KALRN: variants seen among roughly 807,000 people sequenced by gnomAD.
KALRN encodes the protein kalirin RhoGEF kinase, also known as kalirin.
In KALRN, 70 loss-of-function variants were observed where a neutral mutation model predicts 353.7. That is an observed-to-expected ratio of 0.20 (90% CI 0.16 to 0.24). The LOEUF (loss-of-function observed/expected upper bound fraction) is 0.24. Ranked by LOEUF, KALRN falls within the 10% of genes least tolerant of loss-of-function variation. KALRN has a pLI of 1.00. For missense variants in KALRN, 2,791 were observed against 3,756.7 expected, an observed-to-expected ratio of 0.74 and a Z score of 6.72; for synonymous variants, 1,391 against 1,434.8, an observed-to-expected ratio of 0.97 and a Z score of 0.69.
At position 124,720,364 on chromosome 3, in the gene KALRN, T is replaced by C. The variant is rs762172653; in HGVS notation, c.*894T>C. ...TTTTGTGTCTACACCAGGTTTGAAA[T>C]AAGTAAACAAATACAAGAGGTTCAT... is the stretch of plus-strand genomic sequence containing the variant. On this transcript the variant is annotated 3_prime_UTR_variant, in exon 60 of 60. Coordinates refer to ENST00000682506, the MANE Select transcript of KALRN (RefSeq NM_001388419.1). 1 of 152,586 alleles carries C rather than the reference T, an allele frequency of 6.6e-6. No homozygotes were observed. The highest frequency in any genetic ancestry group is 1.5e-5 in the Non-Finnish European group (1 of 68,014). 9.5% of individuals were successfully genotyped at this position (152,586 alleles called of 1,614,324 possible).
chr3:124,722,718 AAAG>A lies in KALRN; in HGVS notation c.*3253_*3255del, dbSNP rs1171592879. 6.6e-6 allele frequency: 1 copy of A among 152,220 alleles called. No homozygotes were observed. The highest frequency in any genetic ancestry group is 2.4e-5 in the African/African-American group (1 of 41,466). 9.4% of individuals were successfully genotyped at this position (152,220 alleles called of 1,614,324 possible). A position where few individuals can be genotyped will look rare whatever the true frequency, so the allele number is the denominator to read the frequency against. On this transcript the variant is annotated 3_prime_UTR_variant, in exon 60 of 60. Transcript: ENST00000682506. ...GCGGAGAGATTTATTACTTGGTAGT[AAAG>A]AAGAGAGGAGAGAAGAGAAAATGGT...
intron 33 of KALRN, among the ~76,000 whole-genome samples, chr3:124,543,189 C>G (rs953226424): frequency 1.3e-5 from 2 of 152,078 alleles, no homozygotes; most frequent in East Asian, 3.8e-4. Flanking sequence ...TCAACACTTC[C>G]GTCATATTCT....
chr3:124,447,760 T>C (rs944559966), intron 21 of KALRN, among the ~76,000 whole-genome samples: 3 of 152,188 alleles, frequency 2.0e-5, no homozygotes, highest in African/African-American at 7.2e-5. Context: ...TTAGCCTCAT[T>C]CCTGAGCTGA....
At chr3:124,694,537 C>T in intron 53 of KALRN, 34 bp downstream of exon 53, 2 of 1,598,226 alleles carry the variant, frequency 1.3e-6, no homozygotes, top group East Asian at 2.2e-5. Flanking sequence ...GCAACAGCAG[C>T]CCCTTGCTTG....
intron 34 of KALRN, chr3:124,584,628 G>A: frequency 7.1e-7 from 1 of 1,406,944 alleles, no homozygotes. Flanking sequence ...CTCCCTCCCC[G>A]CCTGGCCCCT....
chr3:124,650,776 A>T, intron 37 of KALRN, 32 bp from the exon 38 acceptor site: 1 of 1,555,042 alleles, frequency 6.4e-7, no homozygotes, highest in Non-Finnish European at 8.6e-7. Context: ...TTCAAAGTAC[A>T]CTTCTCTAAG....
intron 33 of KALRN, among the ~76,000 whole-genome samples, chr3:124,555,794 G>T (rs2071173394): frequency 6.6e-6 from 1 of 152,140 alleles, no homozygotes; most frequent in Admixed American, 6.5e-5. Context: ...GCCAGGCATT[G>T]CTCTAAACTC....
intron 1 of KALRN, among the ~76,000 whole-genome samples, chr3:124,122,718 A>G (rs141214414): frequency 8.5e-4 from 130 of 152,148 alleles, no homozygotes; most frequent in African/African-American, 3.1e-3. Flanking sequence ...TGCTCCACCT[A>G]CCAGCTGTTT....
At position 124,385,051 on chromosome 3, in the gene KALRN, T is replaced by A; in HGVS notation, c.1962+15T>A. On this transcript the variant is annotated intron_variant, in intron 11 of 59. Transcript: ENST00000682506. ...ACACCAAAGAGGTAAGGGGAGCTAG[T>A]GGAGAGAGGGCATTCTGTCCTGCCA... The A allele has an allele frequency of 1.3e-6, 2 of 1,569,174 alleles. No homozygotes were observed. Among genetic ancestry groups the A allele is most frequent in the Non-Finnish European group, 1.7e-6 (2 of 1,152,310 alleles).
chr3:124,320,678 A>G (rs919020685), intron 6 of KALRN, among the ~76,000 whole-genome samples: 3 of 152,218 alleles, frequency 2.0e-5, no homozygotes, highest in Non-Finnish European at 2.9e-5. Context: ...CAAGAGATAA[A>G]GACCCTATTT....
chr3:124,466,446 CT>C (rs1175708568), intron 25 of KALRN, among the ~76,000 whole-genome samples: 8 of 152,110 alleles, frequency 5.3e-5, no homozygotes, highest in Non-Finnish European at 1.2e-4. Context: ...CCCATTTTGC[CT>C]AGCATACAAC....
chr3:124,098,801 C>G (rs544094060), intron 1 of KALRN, among the ~76,000 whole-genome samples: 1 of 152,126 alleles, frequency 6.6e-6, no homozygotes, highest in South Asian at 2.1e-4. Context: ...TATAAAGAAG[C>G]ATAAGTAAAA....
chr3:124,440,647 A>AG (rs1464910189), intron 18 of KALRN, among the ~76,000 whole-genome samples: 2 of 151,252 alleles, frequency 1.3e-5, no homozygotes, highest in Non-Finnish European at 3.0e-5. Flanking sequence ...TATTATTTGT[A>AG]GGATCAGAGG....
At chr3:124,519,553 T>A in intron 33 of KALRN, 1 of 985,264 alleles carries the variant, frequency 1.0e-6, no homozygotes, top group South Asian at 4.7e-5. Flanking sequence ...CCTGGCTGGG[T>A]TATGGGGGAG....
chr3:124,398,830 A>G lies in KALRN; in HGVS notation c.2305A>G (p.Ile769Val), dbSNP rs1428592753. 1.2e-6 allele frequency: 2 copies of G among 1,613,996 alleles called. No individual in the cohort carries two copies. The highest frequency in any genetic ancestry group is 2.2e-5 in the South Asian group (2 of 91,052). The change falls in exon 13 of 60, where the codon ATC becomes GTC. Residue 769 changes from isoleucine (I) to valine (V), a missense_variant. Around this residue, in one of 11 missense-constraint regions of KALRN, gnomAD observed 452 missense variants for 575.8 expected, o/e 0.78. Transcript: ENST00000682506. ...CCACGAGCGGAAGATCAAGCTGGACATCTTCCTGCAACTGCGCATCTTTGA... is the reference window on the plus strand; with the variant it reads ...CCACGAGCGGAAGATCAAGCTGGACGTCTTCCTGCAACTGCGCATCTTTGA... ...LFHERKIKLD[I>V]FLQLRIFEQY...
intron 51 of KALRN, among the ~76,000 whole-genome samples, chr3:124,685,688 C>G (rs1664604314): frequency 6.6e-6 from 1 of 152,190 alleles, no homozygotes; most frequent in South Asian, 2.1e-4. Context: ...TTCTCAATGA[C>G]TCAAGAGCCC....
intron 34 of KALRN, among the ~76,000 whole-genome samples, chr3:124,595,998 G>A (rs1469732728): frequency 6.6e-6 from 1 of 152,128 alleles, no homozygotes; most frequent in Non-Finnish European, 1.5e-5. Context: ...TCCCAGCTCT[G>A]CTGTAACTCT....
intron 27 of KALRN, among the ~76,000 whole-genome samples, chr3:124,479,805 G>T (rs1323914490): frequency 1.4e-5 from 2 of 143,380 alleles, no homozygotes; most frequent in South Asian, 2.3e-4. Flanking sequence ...CTCACTGCAA[G>T]CTCCGCCTCC....
chr3:124,423,737 G>A (rs1419415839), intron 15 of KALRN, among the ~76,000 whole-genome samples: 1 of 152,174 alleles, frequency 6.6e-6, no homozygotes, highest in Non-Finnish European at 1.5e-5. Flanking sequence ...TGAATGTGGT[G>A]GCACATGCCT....
Sources: allele counts gnomAD v4.1 joint callset (sites outside exome capture counted in the v4.1 genomes callset), GRCh38; gene constraint gnomAD v4.1.1; regional missense constraint gnomAD v4.1.1; transcripts MANE v1.5; gene names NCBI Gene and HGNC (gene_info 2026-07-23, HGNC 2026-07-21).